The following SWAP70 variants were observed in gnomAD, a reference collection of about 807,000 sequenced individuals.
SWAP70 encodes the protein switch-associated protein 70.
Under a neutral mutation model 80.2 loss-of-function variants are expected in SWAP70, and 34 were observed. The ratio of observed to expected loss-of-function variants is 0.42; its 90% CI spans 0.32 to 0.56. The LOEUF (loss-of-function observed/expected upper bound fraction) is 0.56, where lower values mean the gene tolerates loss of function less well. SWAP70 is among the 20% of genes least tolerant of loss of function. SWAP70 has a pLI of 0.09. For missense variants in SWAP70, 578 were observed against 690.7 expected (o/e 0.84, Z 1.83); for synonymous variants, 239 against 238.5 (o/e 1.00, Z -0.02).
chr11:9,749,794 C>T (rs970819014), intron 11 of SWAP70, 70 bp from the exon 12 acceptor site: 5 of 956,394 alleles, frequency 5.2e-6, no homozygotes, highest in Non-Finnish European at 6.6e-6. Context: ...ACTATTTTGT[C>T]TGTAGAAAAA....
intron 1 of SWAP70, among the ~76,000 whole-genome samples, chr11:9,671,784 T>A (rs1850410314): frequency 1.7e-4 from 1 of 6,022 alleles, no homozygotes; most frequent in African/African-American, 3.5e-4. Flanking sequence ...TATAATATAT[T>A]ATTATTTATA....
intron 2 of SWAP70, among the ~76,000 whole-genome samples, chr11:9,700,415 T>C (rs1396436955): frequency 6.6e-6 from 1 of 152,132 alleles, no homozygotes; most frequent in Non-Finnish European, 1.5e-5. Context: ...AAAAAAGAAA[T>C]GCCAACAGTG....
At chr11:9,667,689 C>T (rs1173167943) in intron 1 of SWAP70, among the ~76,000 whole-genome samples, 6 of 152,188 alleles carry the variant, frequency 3.9e-5, no homozygotes, top group South Asian at 2.1e-4. Context: ...CAGACTCCCA[C>T]GTAGATGGGA....
At chr11:9,735,464 A>G (rs1333871502) in intron 7 of SWAP70, among the ~76,000 whole-genome samples, 1 of 152,202 alleles carries the variant, frequency 6.6e-6, no homozygotes, top group African/African-American at 2.4e-5. Flanking sequence ...TGTAGGGAAT[A>G]ATCTTGTACC....
intron 1 of SWAP70, among the ~76,000 whole-genome samples, chr11:9,670,903 G>A (rs1456044223): frequency 6.6e-6 from 1 of 151,076 alleles, no homozygotes; most frequent in Non-Finnish European, 1.5e-5. Context: ...ACAGGTGCCT[G>A]CCACCACACC....
At chr11:9,749,835 C>T in intron 11 of SWAP70, 29 bp from the exon 12 acceptor site, 1 of 1,384,682 alleles carries the variant, frequency 7.2e-7, no homozygotes, top group Non-Finnish European at 1.0e-6. Context: ...TATAATACTT[C>T]CTGTATTTAA....
chr11:9,723,729 C>G (rs921624218), intron 3 of SWAP70, among the ~76,000 whole-genome samples: 1 of 149,692 alleles, frequency 6.7e-6, no homozygotes, highest in Non-Finnish European at 1.5e-5. Context: ...GTTTTACTGC[C>G]TTATTGTTTT....
At chr11:9,736,540 T>C (rs987876143) in intron 7 of SWAP70, among the ~76,000 whole-genome samples, 2 of 152,084 alleles carry the variant, frequency 1.3e-5, no homozygotes, top group Non-Finnish European at 2.9e-5. Context: ...ATTTGTTTAG[T>C]GACTTGGCTG....
intron 2 of SWAP70, among the ~76,000 whole-genome samples, chr11:9,709,818 C>G (rs772913925): frequency 2.6e-5 from 4 of 152,132 alleles, no homozygotes; most frequent in Non-Finnish European, 4.4e-5. Context: ...TCCCCCAAAA[C>G]TTAACTCCTA....
intron 1 of SWAP70, among the ~76,000 whole-genome samples, chr11:9,685,254 G>A (rs947002477): frequency 6.6e-6 from 1 of 152,034 alleles, no homozygotes; most frequent in Non-Finnish European, 1.5e-5. Flanking sequence ...GTGGCTCAGA[G>A]GAGTTAATTT....
intron 1 of SWAP70, among the ~76,000 whole-genome samples, chr11:9,688,744 C>T (rs1406412348): frequency 6.6e-6 from 1 of 151,870 alleles, no homozygotes; most frequent in Non-Finnish European, 1.5e-5. Context: ...TGAACAATGA[C>T]TTTGAGATTT....
intron 1 of SWAP70, among the ~76,000 whole-genome samples, chr11:9,671,635 AATATTTCTATATAAAT>A (rs1487096466): frequency 2.4e-5 from 1 of 41,718 alleles, no homozygotes; most frequent in Non-Finnish European, 3.8e-5. Flanking sequence ...TAAATATATA[AATATTTCTATATAAAT>A]ATATTTCTAT....
chr11:9,699,595 C>T (rs1850805709), intron 2 of SWAP70, among the ~76,000 whole-genome samples: 1 of 152,060 alleles, frequency 6.6e-6, no homozygotes, highest in Non-Finnish European at 1.5e-5. Flanking sequence ...TGGCTCATGC[C>T]TGTAATCCCA....
chr11:9,724,877 T>TTAAA lies in SWAP70; in HGVS notation c.635_638dup (p.Lys213AsnfsTer18), dbSNP rs781407266. On this transcript the variant is annotated frameshift_variant, in exon 4 of 12. Transcript: ENST00000318950. LOFTEE classifies it high-confidence loss of function. ...CTTTAATGAACTTATATTAGATGTG[T>TTAAA]TAAAGCAGGTAAGAATTCTGTTACT... 1 of 1,584,284 alleles carries TTAAA rather than the reference T, an allele frequency of 6.3e-7. No individual in the cohort carries two copies. Among genetic ancestry groups the TTAAA allele is most frequent in the Non-Finnish European group, 8.6e-7 (1 of 1,160,076 alleles).
intron 2 of SWAP70, among the ~76,000 whole-genome samples, chr11:9,705,557 T>C (rs1850896278): frequency 6.9e-6 from 1 of 144,694 alleles, no homozygotes; most frequent in South Asian, 2.2e-4. Context: ...CTGTGTACAC[T>C]TTGTGATCTG....
At chr11:9,708,984 C>T (rs149236959) in intron 2 of SWAP70, among the ~76,000 whole-genome samples, 111 of 151,678 alleles carry the variant, frequency 7.3e-4, no homozygotes, top group Middle Eastern at 6.8e-3. Flanking sequence ...CAGCTCACTA[C>T]AGCCGTGAAT....
At position 9,713,887 on chromosome 11, in the gene SWAP70, T is replaced by G. The variant is rs140087078; in HGVS notation, c.414+248T>G. On this transcript the variant is annotated intron_variant, in intron 3 of 11. Transcript: ENST00000318950. ...AAATGGCTATGATGATAAGTGAATC[T>G]ATCCTCACGTCCAAAGAGTATTCTG... Among the ~76,000 whole-genome samples, 36 of 152,358 alleles carry G rather than the reference T, an allele frequency of 2.4e-4. No homozygotes were observed. The East Asian group carries it at 3.9e-3, about 16-fold the overall frequency.
intron 2 of SWAP70, among the ~76,000 whole-genome samples, chr11:9,697,022 A>G (rs1271366936): frequency 6.6e-6 from 1 of 152,144 alleles, no homozygotes; most frequent in Admixed American, 6.5e-5. Flanking sequence ...GACTAGCCTG[A>G]ACAACATAGT....
intron 6 of SWAP70, 144 bp from the exon 7 acceptor site, chr11:9,732,385 C>G: frequency 1.2e-6 from 1 of 833,092 alleles, no homozygotes; most frequent in Non-Finnish European, 1.9e-6. Context: ...AGGGTCACAC[C>G]ACTATGGAGT....
Sources: gnomAD v4.1 joint callset for allele counts (sites outside exome capture counted in the v4.1 genomes callset) on GRCh38, gnomAD v4.1.1 for gene constraint, MANE v1.5 for transcripts, NCBI Gene and HGNC (gene_info 2026-07-23, HGNC 2026-07-21) for gene names.